FANCC: variants seen among roughly 807,000 people sequenced by gnomAD.
FANCC encodes FA complementation group C.
Under a neutral mutation model 71.3 loss-of-function variants are expected in FANCC, and 55 were observed. That is an observed-to-expected ratio of 0.77 (90% CI 0.62 to 0.97). The LOEUF (loss-of-function observed/expected upper bound fraction) is 0.97. FANCC is among the 50% of genes least tolerant of loss of function. The pLI is 0.00. For missense variants in FANCC, 678 were observed against 670.9 expected (o/e 1.01, Z -0.12); for synonymous variants, 275 against 244.9 (o/e 1.12, Z -1.15).
intron 1 of FANCC, among the ~76,000 whole-genome samples, chr9:95,288,118 ATAATT>A (rs1168502694): frequency 6.6e-6 from 1 of 152,222 alleles, no homozygotes; most frequent in Non-Finnish European, 1.5e-5. Context: ...ATAAAATGCT[ATAATT>A]TAATTTTAAT....
chr9:95,178,907 T>A (rs1826176143), intron 4 of FANCC, among the ~76,000 whole-genome samples: 1 of 152,202 alleles, frequency 6.6e-6, no homozygotes, highest in Non-Finnish European at 1.5e-5. Flanking sequence ...AAAAGCCACT[T>A]ATGGGTGTAA....
At chr9:95,143,658 T>C (rs564495668) in intron 7 of FANCC, among the ~76,000 whole-genome samples, 1 of 152,324 alleles carries the variant, frequency 6.6e-6, no homozygotes, top group East Asian at 1.9e-4. Flanking sequence ...CATTCAGGCA[T>C]ATAGAACAAA....
Position 95,101,513 on chromosome 9 carries a change from G to A in FANCC, c.*194C>T. ...GTCATTAGTGAACATGTCTGACTGAGTCTGGGCTGAGGGACCTGGCTCTGC... is the reference window on the plus strand; with the variant it reads ...GTCATTAGTGAACATGTCTGACTGAATCTGGGCTGAGGGACCTGGCTCTGC... On this transcript the variant is annotated 3_prime_UTR_variant, in exon 15 of 15. Transcript: ENST00000289081. 1.5e-6 allele frequency: 1 copy of A among 683,942 alleles called. No homozygotes were observed. Among genetic ancestry groups the A allele is most frequent in the Non-Finnish European group, 2.5e-6 (1 of 399,134 alleles). 42.4% of individuals were successfully genotyped at this position (683,942 alleles called of 1,614,324 possible).
chr9:95,294,088 C>G, intron 1 of FANCC: 1 of 1,610,854 alleles, frequency 6.2e-7, no homozygotes, highest in Non-Finnish European at 8.5e-7. Flanking sequence ...GACAGATAAT[C>G]AGACCCAAAC....
At chr9:95,180,042 T>A (rs1281908405) in intron 4 of FANCC, among the ~76,000 whole-genome samples, 1 of 152,246 alleles carries the variant, frequency 6.6e-6, no homozygotes, top group Admixed American at 6.5e-5. Flanking sequence ...ATTTGCCTTG[T>A]AATAATTCAC....
At position 95,101,596 on chromosome 9, in the gene FANCC, G is replaced by A. The variant is rs771289098; in HGVS notation, c.*111C>T. 3 of 1,324,096 alleles carry A rather than the reference G, an allele frequency of 2.3e-6. No individual in the cohort carries two copies. Among genetic ancestry groups the A allele is most frequent in the East Asian group, 4.8e-5 (2 of 41,466 alleles). 82.0% of individuals were successfully genotyped at this position (1,324,096 alleles called of 1,614,324 possible). Reference sequence around the variant, plus strand: ...AAGATGTGTACAGCTCATTCTCACAGCCCAGCGAGGGCACTTACTCCACAA... The same window carrying A: ...AAGATGTGTACAGCTCATTCTCACAACCCAGCGAGGGCACTTACTCCACAA... On this transcript the variant is annotated 3_prime_UTR_variant, in exon 15 of 15. Transcript: ENST00000289081.
chr9:95,122,041 G>T lies in FANCC; in HGVS notation c.996+3045C>A, dbSNP rs932557191. 1.3e-4 allele frequency among the ~76,000 whole-genome samples: 19 copies of T among 151,730 alleles called. 2 individuals carry two copies. The highest frequency in any genetic ancestry group is 1.5e-5 in the Non-Finnish European group (1 of 67,920). ...CCCGGCGAATTTTTTTGTATTTTTA[G>T]TAGAGACAGGGTTTCACCGTGTTAG... On this transcript the variant is annotated intron_variant, in intron 10 of 14. Transcript: ENST00000289081.
intron 4 of FANCC, among the ~76,000 whole-genome samples, chr9:95,187,150 A>C (rs1826778265): frequency 6.6e-6 from 1 of 152,176 alleles, no homozygotes; most frequent in South Asian, 2.1e-4. Flanking sequence ...ACTGACTTTG[A>C]GGAAGTTCAC....
chr9:95,286,209 A>C (rs1235345918), intron 1 of FANCC, among the ~76,000 whole-genome samples: 1 of 152,226 alleles, frequency 6.6e-6, no homozygotes, highest in African/African-American at 2.4e-5. Context: ...ATTTTATTGT[A>C]CTTTTCATTA....
intron 4 of FANCC, among the ~76,000 whole-genome samples, chr9:95,221,475 GA>G (rs961140111): frequency 7.9e-5 from 12 of 151,730 alleles, no homozygotes; most frequent in Admixed American, 2.0e-4. Flanking sequence ...AATTATAATA[GA>G]AAAAAATGCA....
At position 95,301,097 on chromosome 9, in the gene FANCC, G is replaced by C. The variant is rs575629993; in HGVS notation, c.-79+16429C>G. Among the ~76,000 whole-genome samples the C allele has an allele frequency of 4.0e-5, 6 of 151,166 alleles. No individual in the cohort carries two copies. The South Asian group carries it at 1.3e-3, about 32-fold the overall frequency. ...TCGCTTGCAATTATTTCTCGGTTAA[G>C]ACCACACAAAGAAAAAAAGAGACCT... On this transcript the variant is annotated intron_variant, in intron 1 of 14. Transcript: ENST00000289081.
intron 8 of FANCC, among the ~76,000 whole-genome samples, chr9:95,132,911 G>C (rs114293162): frequency 0.01 from 1,590 of 152,268 alleles, 28 homozygotes; most frequent in African/African-American, 0.037. Flanking sequence ...TCCCAAGAGA[G>C]AGAAATATAA....
At chr9:95,311,152 T>C (rs1835372509) in intron 1 of FANCC, among the ~76,000 whole-genome samples, 1 of 144,432 alleles carries the variant, frequency 6.9e-6, no homozygotes, top group Non-Finnish European at 1.5e-5. Flanking sequence ...GAGAATGGTG[T>C]GAACCCGGGA....
chr9:95,282,212 G>T (rs1363530296), intron 1 of FANCC, among the ~76,000 whole-genome samples: 1 of 151,908 alleles, frequency 6.6e-6, no homozygotes, highest in Non-Finnish European at 1.5e-5. Context: ...TAAATAAATG[G>T]AAAAAGATAC....
intron 7 of FANCC, among the ~76,000 whole-genome samples, chr9:95,136,245 T>A (rs79914832): frequency 2.1e-3 from 315 of 151,994 alleles, no homozygotes; most frequent in African/African-American, 6.8e-3. Flanking sequence ...ATTTTTTTTT[T>A]AAATTAGCCT....
intron 4 of FANCC, among the ~76,000 whole-genome samples, chr9:95,179,734 A>G (rs1202040813): frequency 1.3e-5 from 2 of 152,234 alleles, no homozygotes; most frequent in African/African-American, 4.8e-5. Context: ...GTCAATGCAC[A>G]TACATCTTAT....
chr9:95,101,612 T>C lies in FANCC; in HGVS notation c.*95A>G. On this transcript the variant is annotated 3_prime_UTR_variant, in exon 15 of 15. Transcript: ENST00000289081. ...ATTCTCACAGCCCAGCGAGGGCACTTACTCCACAAATGCGTGGCCACAGGT... is the reference window on the plus strand; with the variant it reads ...ATTCTCACAGCCCAGCGAGGGCACTCACTCCACAAATGCGTGGCCACAGGT... 3 of 1,489,868 alleles carry C rather than the reference T, an allele frequency of 2.0e-6. No individual in the cohort carries two copies. Among genetic ancestry groups the C allele is most frequent in the South Asian group, 1.2e-5 (1 of 86,610 alleles). 92.3% of individuals were successfully genotyped at this position (1,489,868 alleles called of 1,614,324 possible). A position where few individuals can be genotyped will look rare whatever the true frequency, so the allele number is the denominator to read the frequency against.
At chr9:95,256,628 A>G (rs1831674849) in intron 1 of FANCC, among the ~76,000 whole-genome samples, 1 of 152,224 alleles carries the variant, frequency 6.6e-6, no homozygotes, top group Admixed American at 6.5e-5. Flanking sequence ...AACTCCATCA[A>G]CTAATGGGCA....
intron 4 of FANCC, among the ~76,000 whole-genome samples, chr9:95,229,517 G>A (rs1372486928): frequency 6.6e-6 from 1 of 152,136 alleles, no homozygotes; most frequent in Non-Finnish European, 1.5e-5. Flanking sequence ...GAGCAGCCAA[G>A]GATGATGCCA....
Sources: allele counts gnomAD v4.1 joint callset (sites outside exome capture counted in the v4.1 genomes callset), GRCh38; gene constraint gnomAD v4.1.1; transcripts MANE v1.5; gene names NCBI Gene and HGNC (gene_info 2026-07-23, HGNC 2026-07-21).